Variants in NAA30 observed in about 807,000 individuals in gnomAD.
NAA30 encodes the protein N-alpha-acetyltransferase 30, NatC catalytic subunit, also known as N-alpha-acetyltransferase 30.
Under a neutral mutation model 31.4 loss-of-function variants are expected in NAA30, and 5 were observed. The ratio of observed to expected loss-of-function variants is 0.16; its 90% CI spans 0.08 to 0.33. The LOEUF (loss-of-function observed/expected upper bound fraction) is 0.33, where lower values mean the gene tolerates loss of function less well. Ranked by LOEUF, NAA30 falls within the 10% of genes least tolerant of loss-of-function variation. The probability of loss-of-function intolerance (pLI) is 1.00; values close to 1 mark genes in which losing one functional copy is unlikely to be tolerated. For synonymous variants in NAA30, 222 were observed against 207.1 expected (o/e 1.07, Z -0.62); for missense variants, 428 against 490.8 (o/e 0.87, Z 1.21).
At chr14:57,398,643 A>T (rs564086082) in intron 3 of NAA30, among the ~76,000 whole-genome samples, 27 of 148,990 alleles carry the variant, frequency 1.8e-4, no homozygotes, top group Admixed American at 1.0e-3. Flanking sequence ...TTTTATTATT[A>T]TTTTTTTTTG....
intron 4 of NAA30, among the ~76,000 whole-genome samples, chr14:57,406,642 A>T (rs1353529085): frequency 6.6e-6 from 1 of 152,210 alleles, no homozygotes; most frequent in Admixed American, 6.5e-5. Context: ...ATATTTTAAA[A>T]TTGTCACTTT....
At position 57,413,365 on chromosome 14, in the gene NAA30, T is replaced by C. The variant is rs185452248; in HGVS notation, c.*3849T>C. On this transcript the variant is annotated 3_prime_UTR_variant, in exon 5 of 5. Coordinates refer to ENST00000556492, the MANE Select transcript of NAA30 (RefSeq NM_001011713.3). ...ACTGTAAAAGTATCTGAGTTTGTTT[T>C]ATTTGGGCCTTATGTGGAACTCGAA... is the stretch of plus-strand genomic sequence containing the variant. 2.0e-5 allele frequency: 3 copies of C among 152,366 alleles called. No homozygotes were observed. Among genetic ancestry groups the C allele is most frequent in the African/African-American group, 7.2e-5 (3 of 41,584 alleles). 9.4% of individuals were successfully genotyped at this position (152,366 alleles called of 1,614,324 possible). A position where few individuals can be genotyped will look rare whatever the true frequency, so the allele number is the denominator to read the frequency against.
chr14:57,390,916 C>G, intron 1 of NAA30, 41 bp from the exon 2 acceptor site: 1 of 1,452,894 alleles, frequency 6.9e-7, no homozygotes. Flanking sequence ...GCTCCTCGGC[C>G]GGGTTTCATG....
chr14:57,397,895 G>A (rs12880659), intron 3 of NAA30, among the ~76,000 whole-genome samples: 106,326 of 152,164 alleles, frequency 0.7, 43,963 homozygotes, highest in Non-Finnish European at 0.89. Context: ...TCTAGCCTGG[G>A]TGACAGAGCA....
intron 4 of NAA30, among the ~76,000 whole-genome samples, chr14:57,408,727 A>C (rs1397531881): frequency 6.6e-6 from 1 of 152,184 alleles, no homozygotes; most frequent in Admixed American, 6.6e-5. Flanking sequence ...AAGGCCCACT[A>C]GTAATTATTT....
chr14:57,399,623 A>C (rs192582479), intron 3 of NAA30, among the ~76,000 whole-genome samples: 71 of 152,362 alleles, frequency 4.7e-4, no homozygotes, highest in African/African-American at 1.6e-3. Context: ...AGGTCTTTCA[A>C]GAGGAAACAT....
intron 3 of NAA30, among the ~76,000 whole-genome samples, chr14:57,398,229 A>T (rs1207128551): frequency 6.6e-6 from 1 of 152,124 alleles, no homozygotes; most frequent in East Asian, 1.9e-4. Context: ...ACAGCTTTCC[A>T]CTAAGATTTT....
chr14:57,400,221 T>C (rs915860504), intron 4 of NAA30, among the ~76,000 whole-genome samples: 1 of 152,226 alleles, frequency 6.6e-6, no homozygotes, highest in African/African-American at 2.4e-5. Context: ...TTTCTGACAA[T>C]GGGAAACTGT....
chr14:57,393,611 T>G (rs2066438768), intron 2 of NAA30, among the ~76,000 whole-genome samples: 2 of 152,202 alleles, frequency 1.3e-5, no homozygotes, highest in Non-Finnish European at 2.9e-5. Flanking sequence ...AAAGCCATCC[T>G]AGAGATAATC....
chr14:57,406,023 A>T (rs1054241013), intron 4 of NAA30, among the ~76,000 whole-genome samples: 3 of 152,168 alleles, frequency 2.0e-5, no homozygotes, highest in African/African-American at 7.2e-5. Context: ...ATAAATTCAG[A>T]TATTCTTTTA....
rs1312671804 is a variant in NAA30 at position 57,415,367 on chromosome 14, T to C, written c.*5851T>C. On this transcript the variant is annotated 3_prime_UTR_variant, in exon 5 of 5. Transcript: ENST00000556492. Reference sequence around the variant, plus strand: ...AGATTGTATGTCTCCTATGTTTTCCTTTCATGCCAAAGAAACTCACCCTTT... The same window carrying C: ...AGATTGTATGTCTCCTATGTTTTCCCTTCATGCCAAAGAAACTCACCCTTT... 1 of 152,204 alleles carries C rather than the reference T, an allele frequency of 6.6e-6. No individual in the cohort carries two copies. The highest frequency in any genetic ancestry group is 1.5e-5 in the Non-Finnish European group (1 of 68,030). 9.4% of individuals were successfully genotyped at this position (152,204 alleles called of 1,614,324 possible). A position where few individuals can be genotyped will look rare whatever the true frequency, so the allele number is the denominator to read the frequency against.
chr14:57,403,491 G>C (rs1380641084), intron 4 of NAA30, among the ~76,000 whole-genome samples: 1 of 152,146 alleles, frequency 6.6e-6, no homozygotes, highest in Admixed American at 6.6e-5. Flanking sequence ...TTGTCTTACT[G>C]TAAGTTTCCC....
Position 57,396,878 on chromosome 14 carries a change from A to G in NAA30, c.895+3A>G. 1 of 1,613,272 alleles carries G rather than the reference A, an allele frequency of 6.2e-7. No individual in the cohort carries two copies. The highest frequency in any genetic ancestry group is 8.5e-7 in the Non-Finnish European group (1 of 1,179,418). On this transcript the variant is annotated splice_donor_region_variant and intron_variant, in intron 3 of 4. Transcript: ENST00000556492. Reference sequence around the variant, plus strand: ...CAAATACAGGAGAAATGGCATTGGTAAGAAAAATATTATTTTATGGAAAGA... The same window carrying G: ...CAAATACAGGAGAAATGGCATTGGTGAGAAAAATATTATTTTATGGAAAGA...
intron 4 of NAA30, among the ~76,000 whole-genome samples, chr14:57,404,859 A>G (rs1220990219): frequency 6.6e-6 from 1 of 151,964 alleles, no homozygotes; most frequent in Non-Finnish European, 1.5e-5. Context: ...TGATTTAGAG[A>G]CTCCCACCAA....
At chr14:57,405,549 G>T (rs1251369529) in intron 4 of NAA30, among the ~76,000 whole-genome samples, 1 of 152,064 alleles carries the variant, frequency 6.6e-6, no homozygotes, top group African/African-American at 2.4e-5. Flanking sequence ...GAGTAGTTTG[G>T]CCTAATAACT....
intron 4 of NAA30, among the ~76,000 whole-genome samples, chr14:57,408,594 A>G (rs925175550): frequency 3.9e-5 from 6 of 152,206 alleles, no homozygotes; most frequent in Admixed American, 3.3e-4. Flanking sequence ...TCCTACTGCA[A>G]ACGTACTCAT....
chr14:57,400,861 TTTTGTTGTTG>T (rs950510762), intron 4 of NAA30, among the ~76,000 whole-genome samples: 7 of 151,940 alleles, frequency 4.6e-5, no homozygotes, highest in African/African-American at 1.7e-4. Context: ...AGCTACTGTT[TTTTGTTGTTG>T]TTTGTTGTTG....
intron 4 of NAA30, among the ~76,000 whole-genome samples, chr14:57,402,165 C>T (rs956353842): frequency 2.6e-5 from 4 of 152,180 alleles, no homozygotes; most frequent in Non-Finnish European, 4.4e-5. Flanking sequence ...TTTGGTTTTC[C>T]TTTGCTTGTT....
rs993917020 is a variant in NAA30 at position 57,411,061 on chromosome 14, T to C, written c.*1545T>C. 1.5e-5 allele frequency: 2 copies of C among 129,612 alleles called. No homozygotes were observed. Among genetic ancestry groups the C allele is most frequent in the African/African-American group, 5.8e-5 (2 of 34,582 alleles). The allele number at this position is 129,612 out of a possible 1,614,324, so 8.0% of individuals were successfully genotyped here. A position where few individuals can be genotyped will look rare whatever the true frequency, so the allele number is the denominator to read the frequency against. ...GCCCCTTTTCAGGAAAGTTTGTTGC[T>C]TTTTTTTTTTTTTTAAAGGAAAGCT... On this transcript the variant is annotated 3_prime_UTR_variant, in exon 5 of 5. Transcript: ENST00000556492.
Sources: gnomAD v4.1 joint callset for allele counts (sites outside exome capture counted in the v4.1 genomes callset) on GRCh38, gnomAD v4.1.1 for gene constraint, MANE v1.5 for transcripts, NCBI Gene and HGNC (gene_info 2026-07-23, HGNC 2026-07-21) for gene names.